ANKRD30BL: variants seen among roughly 807,000 people sequenced by gnomAD.
ANKRD30BL encodes ankyrin repeat domain 30B like, also known as putative ankyrin repeat domain-containing protein 30B-like.
A neutral mutation model predicts 18.4 loss-of-function variants in ANKRD30BL; 20 were observed. The ratio of observed to expected loss-of-function variants is 1.09; its 90% CI spans 0.77 to 1.58. The LOEUF is 1.58. ANKRD30BL is among the 40% of genes most tolerant of loss of function. The pLI, the probability that ANKRD30BL is intolerant of heterozygous loss-of-function variation, is 0.00. For synonymous variants in ANKRD30BL, 72 were observed against 100.9 expected (o/e 0.71, Z 1.72); for missense variants, 224 against 268.6 (o/e 0.83, Z 1.16).
chr2:132,210,507 C>T (rs879062695), intron 1 of ANKRD30BL, among the ~76,000 whole-genome samples: 10 of 151,586 alleles, frequency 6.6e-5, no homozygotes, highest in South Asian at 2.1e-4. Context: ...ATATTTGGAG[C>T]GCCTTAAGGT....
At chr2:132,174,028 G>A (rs1051883833) in intron 1 of ANKRD30BL, among the ~76,000 whole-genome samples, 6 of 152,232 alleles carry the variant, frequency 3.9e-5, no homozygotes, top group South Asian at 2.1e-4. Context: ...ATGTAAACCC[G>A]TGCTTTATTT....
intron 1 of ANKRD30BL, among the ~76,000 whole-genome samples, chr2:132,199,600 G>A (rs1381226602): frequency 1.3e-4 from 19 of 151,458 alleles, no homozygotes; most frequent in African/African-American, 3.9e-4. Flanking sequence ...TCCACCTGCC[G>A]AGTTCAAGCA....
chr2:132,254,891 T>C (rs1297476060), intron 1 of ANKRD30BL, among the ~76,000 whole-genome samples: 1 of 152,182 alleles, frequency 6.6e-6, no homozygotes, highest in African/African-American at 2.4e-5. Flanking sequence ...ACCCGTGGAA[T>C]CGAGAAAGAG....
At chr2:132,254,680 C>T (rs796259555) in intron 1 of ANKRD30BL, among the ~76,000 whole-genome samples, 7 of 152,204 alleles carry the variant, frequency 4.6e-5, no homozygotes, top group African/African-American at 1.2e-4. Flanking sequence ...GTCAGTGTAG[C>T]GCGCGTGCAG....
intron 1 of ANKRD30BL, among the ~76,000 whole-genome samples, chr2:132,223,604 G>A (rs529237868): frequency 2.1e-4 from 32 of 151,864 alleles, no homozygotes; most frequent in Admixed American, 3.9e-4. Context: ...TGAGGCCTTC[G>A]TTGGAATCGG....
In ANKRD30BL at chr2:132,161,598, A is replaced by G. The variant is rs199695856; in HGVS notation, c.108T>C (p.His36=). ...YTNNDSYVIH[H]GDLRKIHKAA... ...CTTTGTGGATCTTCCTGAGATCCCC[A>G]TGGTGAATCACGTAAGAGTCGTTGT... is the stretch of plus-strand genomic sequence containing the variant. Residue 36 remains histidine, a synonymous_variant, in exon 1 of 6, where the codon CAT becomes CAC. Transcript: ENST00000409867. The G allele has an allele frequency of 5.5e-6, 8 of 1,454,574 alleles. 1 individual carries two copies. The highest frequency in any genetic ancestry group is 4.7e-6 in the Non-Finnish European group (5 of 1,061,566). 90.1% of individuals were successfully genotyped at this position (1,454,574 alleles called of 1,614,324 possible). A position where few individuals can be genotyped will look rare whatever the true frequency, so the allele number is the denominator to read the frequency against.
At chr2:132,225,374 C>T (rs544628854) in intron 1 of ANKRD30BL, among the ~76,000 whole-genome samples, 11 of 151,980 alleles carry the variant, frequency 7.2e-5, no homozygotes, top group Admixed American at 2.0e-4. Flanking sequence ...GTGATGTTTG[C>T]CTTAAACTCA....
In ANKRD30BL at chr2:132,175,757, G is replaced by C. The variant is rs1187006747; in HGVS notation, n.442-18611C>G. Among the ~76,000 whole-genome samples, 6 of 152,330 alleles carry C rather than the reference G, an allele frequency of 3.9e-5. No individual in the cohort carries two copies. The East Asian group carries it at 1.2e-3, about 29-fold the overall frequency. On this transcript the variant is annotated intron_variant and non_coding_transcript_variant, in intron 1 of 4. Transcript: ENST00000470729. ...GTGCCCCTGGTTTATCGAGACTAGA[G>C]AATGGCGATGACTTTTACCAAGCAT...
At chr2:132,234,833 T>G (rs1253532678) in intron 1 of ANKRD30BL, among the ~76,000 whole-genome samples, 5 of 152,186 alleles carry the variant, frequency 3.3e-5, no homozygotes, top group Admixed American at 1.3e-4. Context: ...CTAACTCATT[T>G]TATGAGGCCA....
Position 132,224,081 on chromosome 2 carries a change from C to T in ANKRD30BL, n.441+33448G>A, listed in dbSNP as rs372231082. Among the ~76,000 whole-genome samples, 221 of 152,158 alleles carry T rather than the reference C, an allele frequency of 1.5e-3. 1 individual carries two copies. The highest frequency in any genetic ancestry group is 4.9e-3 in the African/African-American group (203 of 41,536). On this transcript the variant is annotated intron_variant and non_coding_transcript_variant, in intron 1 of 4. Transcript: ENST00000470729. ...GGTTGAAACTCTCTTTTTTTAGAATCGGCAAGAGGATATTTGTGCTGTTTT... is the reference window on the plus strand; with the variant it reads ...GGTTGAAACTCTCTTTTTTTAGAATTGGCAAGAGGATATTTGTGCTGTTTT...
chr2:132,239,719 T>C (rs936914758), intron 1 of ANKRD30BL, among the ~76,000 whole-genome samples: 1 of 152,016 alleles, frequency 6.6e-6, no homozygotes, highest in Admixed American at 6.6e-5. Flanking sequence ...GAACATTCCC[T>C]TTCAGTGAGC....
chr2:132,181,468 AAAAG>A (rs1688461284), intron 1 of ANKRD30BL, among the ~76,000 whole-genome samples: 3 of 151,976 alleles, frequency 2.0e-5, no homozygotes, highest in African/African-American at 2.4e-5. Context: ...TTTCAAAAAA[AAAAG>A]AAAGAAAGAA....
chr2:132,193,268 G>A (rs1229756894), intron 1 of ANKRD30BL, among the ~76,000 whole-genome samples: 1 of 152,168 alleles, frequency 6.6e-6, no homozygotes, highest in African/African-American at 2.4e-5. Flanking sequence ...TATGTATCAA[G>A]GTTTATGTAA....
rs1365695841 is a variant in ANKRD30BL at position 132,256,849 on chromosome 2, G to T, written n.441+680C>A. 13 of 425,806 alleles carry T rather than the reference G, an allele frequency of 3.1e-5. No individual in the cohort carries two copies. In the Admixed American group the frequency reaches 3.3e-4, roughly 11 times the overall value. 26.4% of individuals were successfully genotyped at this position (425,806 alleles called of 1,614,324 possible). On this transcript the variant is annotated intron_variant and non_coding_transcript_variant, in intron 1 of 4. Transcript: ENST00000470729. Reference sequence around the variant, plus strand: ...CCCAGACGGGGCCACCACAGCCTAAGGCGGTGAGCCGCTCGGGGAGAGAGG... The same window carrying T: ...CCCAGACGGGGCCACCACAGCCTAATGCGGTGAGCCGCTCGGGGAGAGAGG...
intron 1 of ANKRD30BL, among the ~76,000 whole-genome samples, chr2:132,180,791 A>G (rs956238309): frequency 2.0e-5 from 3 of 152,200 alleles, no homozygotes; most frequent in Non-Finnish European, 4.4e-5. Flanking sequence ...GGAAAATAAA[A>G]TAGATTAACA....
intron 4 of ANKRD30BL, among the ~76,000 whole-genome samples, chr2:132,151,841 C>T (rs1436745662): frequency 3.3e-5 from 5 of 152,064 alleles, no homozygotes; most frequent in Non-Finnish European, 7.4e-5. Flanking sequence ...TCATCAGTCA[C>T]ACCAAGGGCA....
At chr2:132,196,141 CAAAA>C (rs199876039) in intron 1 of ANKRD30BL, among the ~76,000 whole-genome samples, 2 of 87,512 alleles carry the variant, frequency 2.3e-5, no homozygotes, top group Non-Finnish European at 5.0e-5. Context: ...GAGTCCATCT[CAAAA>C]AAAAAAAAAA....
rs4953955 is a variant in ANKRD30BL at position 132,157,977 on chromosome 2, C to G, written c.219-554G>C. Among the ~76,000 whole-genome samples, 354 of 152,072 alleles carry G rather than the reference C, an allele frequency of 2.3e-3. 2 individuals are homozygous for G. The highest frequency in any genetic ancestry group is 8.1e-3 in the African/African-American group (337 of 41,468). On this transcript the variant is annotated intron_variant, in intron 1 of 5. Transcript: ENST00000409867. ...AATAATTCTGAAATACTCTATTTCT[C>G]GTATTTTAACATCTCTGACATTGAA...
rs1445930247 is a variant in ANKRD30BL at position 132,154,443 on chromosome 2, A to G, written c.614+219T>C. On this transcript the variant is annotated intron_variant, in intron 4 of 5. Transcript: ENST00000409867. ...CAAAAACATCAGATTAAAAATAAGA[A>G]TCAGTCAATATAATAAAAGAAGAAA... 4.6e-5 allele frequency among the ~76,000 whole-genome samples: 7 copies of G among 152,352 alleles called. No homozygotes were observed. The East Asian group carries it at 1.2e-3, about 25-fold the overall frequency.
Sources: gnomAD v4.1 joint callset for allele counts (sites outside exome capture counted in the v4.1 genomes callset) on GRCh38, gnomAD v4.1.1 for gene constraint, MANE v1.5 for transcripts, NCBI Gene and HGNC (gene_info 2026-07-23, HGNC 2026-07-21) for gene names.